SUMF1: variants seen among roughly 807,000 people sequenced by gnomAD.
SUMF1 encodes sulfatase modifying factor 1, also known as formylglycine-generating enzyme.
In SUMF1, 48 loss-of-function variants were observed where a neutral mutation model predicts 47.6. That is an observed-to-expected ratio of 1.01 (90% CI 0.80 to 1.28). The LOEUF (loss-of-function observed/expected upper bound fraction) is 1.28, where lower values mean the gene tolerates loss of function less well. SUMF1 is among the 50% of genes most tolerant of loss of function. The pLI, the probability that SUMF1 is intolerant of heterozygous loss-of-function variation, is 0.00. For missense variants in SUMF1, 571 were observed against 485.4 expected, an observed-to-expected ratio of 1.18 and a Z score of -1.66; for synonymous variants, 230 against 192.1, an observed-to-expected ratio of 1.20 and a Z score of -1.63.
chr3:4,065,564 A>T (rs1264736738), intron 9 of SUMF1, among the ~76,000 whole-genome samples: 1 of 152,202 alleles, frequency 6.6e-6, no homozygotes, highest in African/African-American at 2.4e-5. Flanking sequence ...CGCTGAACAA[A>T]GCATTCACAT....
chr3:4,175,201 G>T (rs995197485), intron 8 of SUMF1, among the ~76,000 whole-genome samples: 1 of 152,176 alleles, frequency 6.6e-6, no homozygotes, highest in Non-Finnish European at 1.5e-5. Context: ...CATGGCGTTT[G>T]AGCTCTGAGA....
At chr3:4,198,520 C>A (rs150395173) in intron 8 of SUMF1, among the ~76,000 whole-genome samples, 265 of 152,220 alleles carry the variant, frequency 1.7e-3, no homozygotes, top group Non-Finnish European at 2.8e-3. Context: ...ATGTGGTATG[C>A]TTTCATTATG....
intron 3 of SUMF1, among the ~76,000 whole-genome samples, chr3:4,425,191 C>T (rs1702030228): frequency 6.6e-6 from 1 of 152,112 alleles, no homozygotes; most frequent in African/African-American, 2.4e-5. Flanking sequence ...AGTCAAGCTG[C>T]CTAAGCTTGA....
intron 3 of SUMF1, among the ~76,000 whole-genome samples, chr3:4,434,929 A>AT (rs1327335567): frequency 6.6e-6 from 1 of 152,094 alleles, no homozygotes; most frequent in Non-Finnish European, 1.5e-5. Flanking sequence ...CAAAGACTTT[A>AT]TTTTTTAAAT....
intron 7 of SUMF1, among the ~76,000 whole-genome samples, chr3:4,392,815 C>T (rs1405330719): frequency 6.6e-6 from 1 of 151,754 alleles, no homozygotes; most frequent in Non-Finnish European, 1.5e-5. Flanking sequence ...TCTGTACCCA[C>T]TGATGTCTCT....
At chr3:4,110,617 G>C (rs1290813012) in intron 8 of SUMF1, among the ~76,000 whole-genome samples, 1 of 151,920 alleles carries the variant, frequency 6.6e-6, no homozygotes, top group Admixed American at 6.5e-5. Context: ...TGATAGACTG[G>C]ATTAAGAAAA....
intron 8 of SUMF1, among the ~76,000 whole-genome samples, chr3:4,287,407 T>TAAAAA (rs3075654): frequency 3.3e-5 from 5 of 149,888 alleles, no homozygotes; most frequent in African/African-American, 9.8e-5. Flanking sequence ...ACATAAATTG[T>TAAAAA]AAAAAAAAAA....
chr3:4,386,184 T>A (rs889290233), intron 7 of SUMF1, among the ~76,000 whole-genome samples: 2 of 152,206 alleles, frequency 1.3e-5, no homozygotes, highest in Admixed American at 6.5e-5. Flanking sequence ...GGGATTTTGA[T>A]AGGAATTACA....
chr3:4,129,510 T>C (rs956067395), intron 8 of SUMF1, among the ~76,000 whole-genome samples: 1 of 152,118 alleles, frequency 6.6e-6, no homozygotes, highest in Non-Finnish European at 1.5e-5. Flanking sequence ...GGCCCCTCAA[T>C]CAATTTTCAG....
chr3:4,055,959 G>C (rs377646137), intron 9 of SUMF1, among the ~76,000 whole-genome samples: 88 of 152,152 alleles, frequency 5.8e-4, no homozygotes, highest in African/African-American at 2.0e-3. Context: ...TTCAAAGCCA[G>C]CAATAACAGG....
At chr3:4,423,763 G>A (rs1452308380) in intron 3 of SUMF1, among the ~76,000 whole-genome samples, 1 of 152,064 alleles carries the variant, frequency 6.6e-6, no homozygotes, top group Non-Finnish European at 1.5e-5. Context: ...GGATCACTGG[G>A]GCAGAACCCT....
chr3:4,131,593 G>A, intron 8 of SUMF1, among the ~76,000 whole-genome samples: 1 of 152,186 alleles, frequency 6.6e-6, no homozygotes, highest in Non-Finnish European at 1.5e-5. Context: ...GGCCAGATAT[G>A]CAATTACATA....
chr3:4,295,090 G>C (rs1697823310), intron 8 of SUMF1, among the ~76,000 whole-genome samples: 1 of 152,104 alleles, frequency 6.6e-6, no homozygotes, highest in Non-Finnish European at 1.5e-5. Context: ...TTTTCCAAGA[G>C]ATGCTTTAGA....
chr3:4,372,550 T>C (rs988160442), intron 8 of SUMF1, among the ~76,000 whole-genome samples: 17 of 152,194 alleles, frequency 1.1e-4, no homozygotes, highest in African/African-American at 4.1e-4. Flanking sequence ...ATAAAGATGA[T>C]GCTGATAGGA....
chr3:4,210,589 C>G (rs532387971), intron 8 of SUMF1, among the ~76,000 whole-genome samples: 1 of 152,230 alleles, frequency 6.6e-6, no homozygotes, highest in African/African-American at 2.4e-5. Context: ...GGAACCTTGA[C>G]TCTTAAATTC....
At chr3:4,193,082 G>T (rs1378459392) in intron 8 of SUMF1, among the ~76,000 whole-genome samples, 1 of 151,978 alleles carries the variant, frequency 6.6e-6, no homozygotes, top group Non-Finnish European at 1.5e-5. Flanking sequence ...ATTGTCTATT[G>T]CAGCACTGTC....
At chr3:4,089,464 A>G (rs1397779153) in intron 8 of SUMF1, among the ~76,000 whole-genome samples, 1 of 152,156 alleles carries the variant, frequency 6.6e-6, no homozygotes, top group African/African-American at 2.4e-5. Flanking sequence ...GGTATAAAAA[A>G]ATACAAACAT....
chr3:4,263,527 C>T (rs149113593), intron 8 of SUMF1, among the ~76,000 whole-genome samples: 193 of 152,194 alleles, frequency 1.3e-3, no homozygotes, highest in Middle Eastern at 3.4e-3. Flanking sequence ...CCTAGTATAC[C>T]GAACCAAGAA....
intron 8 of SUMF1, among the ~76,000 whole-genome samples, chr3:4,236,365 CA>C (rs2124989864): frequency 6.6e-6 from 1 of 152,062 alleles, no homozygotes; most frequent in East Asian, 1.9e-4. Flanking sequence ...TTACAACTAC[CA>C]AAGGAACTAA....
Sources: gnomAD v4.1 joint callset for allele counts (sites outside exome capture counted in the v4.1 genomes callset) on GRCh38, gnomAD v4.1.1 for gene constraint, MANE v1.5 for transcripts, NCBI Gene and HGNC (gene_info 2026-07-23, HGNC 2026-07-21) for gene names.